FAN1: variants seen among roughly 807,000 people sequenced by gnomAD.
FAN1 encodes the protein fanconi-associated nuclease 1.
In FAN1, 91 loss-of-function variants were observed where a neutral mutation model predicts 104.9. The observed-to-expected ratio is 0.87, with a 90% confidence interval of 0.73 to 1.03. FAN1 has a LOEUF of 1.03. FAN1 is among the 50% of genes least tolerant of loss of function. The pLI is 0.00. For missense variants in FAN1, 1,263 were observed against 1,239.9 expected (o/e 1.02, Z -0.28); for synonymous variants, 478 against 457.6 (o/e 1.04, Z -0.57).
chr15:30,935,837 C>CTT (rs1026590545), intron 13 of FAN1, among the ~76,000 whole-genome samples: 3 of 151,668 alleles, frequency 2.0e-5, no homozygotes, highest in African/African-American at 7.3e-5. Flanking sequence ...ATCAGAGAAT[C>CTT]TTTTTTTTTC....
At position 30,910,758 on chromosome 15, in the gene FAN1, G is replaced by A. The variant is rs150393409; in HGVS notation, c.1520G>A (p.Arg507His). The A allele has an allele frequency of 8.9e-3, 14,369 of 1,614,058 alleles. 86 individuals are homozygous for A. The highest frequency in any genetic ancestry group is 0.011 in the Non-Finnish European group (12,490 of 1,179,984). ...GCCTTTCTCAAATTGGCCAAACAGC[G>A]TTCAGTCTGCACTTGGGGCAAGAAT... The part of the protein sequence containing the change: ...VDAFLKLAKQ[R>H]SVCTWGKNKP... The change falls in exon 4 of 15, where the codon CGT becomes CAT. Residue 507 changes from arginine to histidine, a missense_variant. Coordinates refer to ENST00000362065, the MANE Select transcript of FAN1 (RefSeq NM_014967.5).
intron 5 of FAN1, among the ~76,000 whole-genome samples, chr15:30,914,743 A>G (rs1457970328): frequency 2.0e-5 from 3 of 152,238 alleles, no homozygotes; most frequent in African/African-American, 7.2e-5. Context: ...CTGAATGTGA[A>G]TATTTTCTTA....
At chr15:30,904,210 A>G (rs1318850730) in intron 1 of FAN1, among the ~76,000 whole-genome samples, 199 bp downstream of exon 1, 4 of 152,174 alleles carry the variant, frequency 2.6e-5, no homozygotes, top group Non-Finnish European at 4.4e-5. Flanking sequence ...ACTCAGAAAA[A>G]GTTACTCATA....
At chr15:30,937,946 CTGAG>C (rs1432221524) in intron 14 of FAN1, among the ~76,000 whole-genome samples, 2 of 150,868 alleles carry the variant, frequency 1.3e-5, no homozygotes, top group Non-Finnish European at 3.0e-5. Flanking sequence ...CTTTGGGAGG[CTGAG>C]CGAGGCAGGC....
At chr15:30,936,915 C>T (rs1000472771) in intron 13 of FAN1, among the ~76,000 whole-genome samples, 1 of 152,146 alleles carries the variant, frequency 6.6e-6, no homozygotes, top group African/African-American at 2.4e-5. Flanking sequence ...GAATGTATAT[C>T]ACTTTTGCAC....
chr15:30,910,697 G>A lies in FAN1; in HGVS notation c.1459G>A (p.Val487Met). The A allele has an allele frequency of 6.2e-7, 1 of 1,613,940 alleles. No homozygotes were observed. The highest frequency in any genetic ancestry group is 8.5e-7 in the Non-Finnish European group (1 of 1,179,970). The change falls in exon 4 of 15, where the codon GTG (valine) becomes ATG (methionine). Residue 487 changes from valine (V) to methionine (M), a missense_variant. Physicochemically the swap from Val to Met is conservative, Grantham distance 21. Transcript: ENST00000362065. ...LKSLAKTFHL[V>M]NPNGQKQQLV... ...ATCCCTAGCCAAGACCTTCCACTTG[G>A]TGAATCCCAATGGACAGAAACAGCA...
chr15:30,940,490 T>TG, intron 14 of FAN1: 1 of 985,364 alleles, frequency 1.0e-6, no homozygotes, highest in South Asian at 4.7e-5. Context: ...GTAACCTCAT[T>TG]AGTTATTTCC....
intron 10 of FAN1, 133 bp downstream of exon 10, chr15:30,926,072 GA>G (rs1471331193): frequency 9.0e-6 from 8 of 887,094 alleles, no homozygotes; most frequent in African/African-American, 1.7e-5. Context: ...TGGGCTGGGG[GA>G]TGTCTTCCTA....
chr15:30,921,726 G>A (rs775631740), intron 7 of FAN1, among the ~76,000 whole-genome samples: 5 of 152,188 alleles, frequency 3.3e-5, no homozygotes, highest in African/African-American at 1.2e-4. Flanking sequence ...AGCCACAGAA[G>A]ATTAACAAAC....
At chr15:30,930,773 T>C (rs1301082830) in intron 13 of FAN1, 102 bp downstream of exon 13, 17 of 1,429,178 alleles carry the variant, frequency 1.2e-5, no homozygotes, top group Admixed American at 1.9e-5. Context: ...CAAGATTGAA[T>C]TCCTTGAGAG....
At chr15:30,908,389 T>A in intron 3 of FAN1, 131 bp downstream of exon 3, 1 of 687,644 alleles carries the variant, frequency 1.5e-6, no homozygotes, top group Non-Finnish European at 2.3e-6. Flanking sequence ...TTTAATTGAA[T>A]TTTTAATCTT....
At chr15:30,926,724 G>A (rs1445089519) in intron 10 of FAN1, 18 of 985,338 alleles carry the variant, frequency 1.8e-5, no homozygotes, top group South Asian at 4.7e-5. Context: ...CCCGAGAGAC[G>A]TGGAAACTGG....
At chr15:30,932,004 C>T (rs1027253942) in intron 13 of FAN1, among the ~76,000 whole-genome samples, 3 of 150,924 alleles carry the variant, frequency 2.0e-5, no homozygotes, top group South Asian at 2.1e-4. Context: ...GGGCGGATCA[C>T]GAGGTCAGGA....
chr15:30,913,104 G>C (rs2062131970), intron 4 of FAN1, among the ~76,000 whole-genome samples: 1 of 152,158 alleles, frequency 6.6e-6, no homozygotes, highest in African/African-American at 2.4e-5. Flanking sequence ...TTAGGAACTG[G>C]GCCACACAGC....
intron 14 of FAN1, among the ~76,000 whole-genome samples, chr15:30,938,380 G>C (rs2062927421): frequency 6.6e-6 from 1 of 152,184 alleles, no homozygotes; most frequent in Non-Finnish European, 1.5e-5. Context: ...TTCTCATGAA[G>C]TTGTGTTGAT....
chr15:30,932,299 T>C (rs555182858), intron 13 of FAN1, among the ~76,000 whole-genome samples: 23 of 151,246 alleles, frequency 1.5e-4, no homozygotes, highest in East Asian at 3.9e-4. Context: ...CTGAGAGGAA[T>C]TGGTATCTTA....
chr15:30,937,386 G>A, intron 14 of FAN1, 127 bp downstream of exon 14: 1 of 829,138 alleles, frequency 1.2e-6, no homozygotes, highest in Non-Finnish European at 1.8e-6. Context: ...TACAGTGTCT[G>A]CATATCACAA....
chr15:30,941,644 G>A lies in FAN1; in HGVS notation c.*82G>A. ...AGGTGTCGGTGTGGTGAGGGCCGCTGGCGTTGAAGTACATCCTGCTCTGGC... is the reference window on the plus strand; with the variant it reads ...AGGTGTCGGTGTGGTGAGGGCCGCTAGCGTTGAAGTACATCCTGCTCTGGC... On this transcript the variant is annotated 3_prime_UTR_variant, in exon 15 of 15. Coordinates refer to ENST00000362065, the MANE Select transcript of FAN1 (RefSeq NM_014967.5). The A allele has an allele frequency of 6.2e-7, 1 of 1,610,774 alleles. No individual in the cohort carries two copies. Among genetic ancestry groups the A allele is most frequent in the Non-Finnish European group, 8.5e-7 (1 of 1,178,500 alleles).
chr15:30,940,185 G>A, intron 14 of FAN1: 1 of 985,152 alleles, frequency 1.0e-6, no homozygotes, highest in Non-Finnish European at 1.2e-6. Flanking sequence ...TGAGGAGTGT[G>A]GGGGAGGTGG....
Sources: allele counts gnomAD v4.1 joint callset (sites outside exome capture counted in the v4.1 genomes callset), GRCh38; gene constraint gnomAD v4.1.1; transcripts MANE v1.5; gene names NCBI Gene and HGNC (gene_info 2026-07-23, HGNC 2026-07-21).